Variants in OGFOD1 observed in about 807,000 individuals in gnomAD.
The protein encoded by OGFOD1 is prolyl 3-hydroxylase OGFOD1.
Under a neutral mutation model 67.7 loss-of-function variants are expected in OGFOD1, and 54 were observed. The observed-to-expected ratio is 0.80, with a 90% CI of 0.64 to 1.00. OGFOD1 has a LOEUF of 1.00. OGFOD1 is among the 50% of genes least tolerant of loss of function. OGFOD1 has a pLI of 0.00. For missense variants in OGFOD1, 606 were observed against 646.7 expected, an observed-to-expected ratio of 0.94 and a Z score of 0.68; for synonymous variants, 221 against 227.0, an observed-to-expected ratio of 0.97 and a Z score of 0.24.
At chr16:56,463,914 A>G (rs1962812060) in intron 4 of OGFOD1, among the ~76,000 whole-genome samples, 1 of 152,108 alleles carries the variant, frequency 6.6e-6, no homozygotes, top group Non-Finnish European at 1.5e-5. Flanking sequence ...GAATCAGGAA[A>G]TTTACGTTGA....
chr16:56,458,546 A>G lies in OGFOD1; in HGVS notation c.301-2A>G, dbSNP rs1430458735. 1 of 1,613,100 alleles carries G rather than the reference A, an allele frequency of 6.2e-7. No individual in the cohort carries two copies. The highest frequency in any genetic ancestry group is 1.1e-5 in the South Asian group (1 of 91,062). ...TTTTTTTTCTCTATTTTCATGATCA[A>G]GTCTGATGATTTGAAGAAGAGAAGA... On this transcript the variant is annotated splice_acceptor_variant, in intron 2 of 12. Coordinates refer to ENST00000566157, the MANE Select transcript of OGFOD1 (RefSeq NM_018233.4). LOFTEE classifies it high-confidence loss of function.
rs771283043 is a variant in OGFOD1, at chr16:56,451,764, A to G, written c.152A>G (p.His51Arg). The G allele has an allele frequency of 6.2e-7, 1 of 1,612,330 alleles. No individual in the cohort carries two copies. Among genetic ancestry groups the G allele is most frequent in the Non-Finnish European group, 8.5e-7 (1 of 1,179,840 alleles). The stretch of plus-strand genomic sequence containing the variant: ...TGGAGCCGCAGGACGCCGTTCAGTC[A>G]CGGTAACCGGGTGCTCTCAGGGAGG... ...EAWSRRTPFS[H>R]EVIVMDMDPF... The change falls in exon 1 of 13, where the codon CAC (histidine) becomes CGC (arginine). Residue 51 changes from histidine (H) to arginine (R), a missense_variant and splice_region_variant. Transcript: ENST00000566157.
Position 56,476,387 on chromosome 16 carries a change from A to T in OGFOD1, c.*182A>T, listed in dbSNP as rs14306. 11 of 427,496 alleles carry T rather than the reference A, an allele frequency of 2.6e-5. No homozygotes were observed. The highest frequency in any genetic ancestry group is 1.3e-4 in the Admixed American group (3 of 23,614). 26.5% of individuals were successfully genotyped at this position (427,496 alleles called of 1,614,324 possible). ...AACCGAGACCTTGAGCTTGCAGCTA[A>T]GTACTTATCTCTTGATTAAAAAAAA... On this transcript the variant is annotated 3_prime_UTR_variant, in exon 13 of 13. Coordinates refer to ENST00000566157, the MANE Select transcript of OGFOD1 (RefSeq NM_018233.4).
At chr16:56,457,374 C>T (rs535684289) in intron 2 of OGFOD1, among the ~76,000 whole-genome samples, 5 of 152,238 alleles carry the variant, frequency 3.3e-5, no homozygotes, top group African/African-American at 9.6e-5. Flanking sequence ...CAAGTGGTTG[C>T]GAGGAGCTGG....
At chr16:56,459,165 A>C (rs1217760707) in intron 3 of OGFOD1, among the ~76,000 whole-genome samples, 1 of 152,030 alleles carries the variant, frequency 6.6e-6, no homozygotes, top group South Asian at 2.1e-4. Context: ...ACATGGAGAA[A>C]CCCTGTCTCT....
chr16:56,473,392 G>T (rs1963294507), intron 10 of OGFOD1, among the ~76,000 whole-genome samples: 1 of 152,170 alleles, frequency 6.6e-6, no homozygotes, highest in Admixed American at 6.5e-5. Flanking sequence ...GTCCTGTGTT[G>T]AGCATTTAGA....
At position 56,467,940 on chromosome 16, in the gene OGFOD1, T is replaced by A; in HGVS notation, c.822T>A (p.Tyr274Ter). Reference protein sequence around the residue: ...EILYDWINPTYLDMDYQVQIQ... With the variant: ...EILYDWINPT ...TGTATGATTGGATCAACCCTACTTA[T>A]CTGGACATGGATTACCAAGTTCAAA... The change falls in exon 8 of 13, where the codon TAT becomes TAA. Residue 274 changes from tyrosine (Y) to a stop codon, truncating the protein, a stop_gained. Coordinates refer to ENST00000566157, the MANE Select transcript of OGFOD1 (RefSeq NM_018233.4). LOFTEE classifies it high-confidence loss of function. The A allele has an allele frequency of 6.2e-7, 1 of 1,607,210 alleles. No individual in the cohort carries two copies. The highest frequency in any genetic ancestry group is 8.5e-7 in the Non-Finnish European group (1 of 1,173,770).
intron 3 of OGFOD1, among the ~76,000 whole-genome samples, chr16:56,462,328 C>A (rs1271072288): frequency 6.6e-6 from 1 of 152,124 alleles, no homozygotes; most frequent in African/African-American, 2.4e-5. Context: ...TAGAGACTTA[C>A]ATTTATTTTT....
In OGFOD1 at chr16:56,478,191, C is replaced by G. The variant is rs1963559884; in HGVS notation, c.*1986C>G. On this transcript the variant is annotated 3_prime_UTR_variant, in exon 13 of 13. Transcript: ENST00000566157. ...TTTTTGCGTTTGAGATGGAGTCTCA[C>G]TCTGTGGCCCAGGCTGGAGTACAGT... 3 of 152,088 alleles carry G rather than the reference C, an allele frequency of 2.0e-5. No homozygotes were observed. The highest frequency in any genetic ancestry group is 4.1e-4 in the South Asian group (2 of 4,824). The allele number at this position is 152,088 out of a possible 1,614,324, so 9.4% of individuals were successfully genotyped here. A position where few individuals can be genotyped will look rare whatever the true frequency, so the allele number is the denominator to read the frequency against.
At position 56,476,217 on chromosome 16, in the gene OGFOD1, A is replaced by G; in HGVS notation, c.*12A>G. On this transcript the variant is annotated 3_prime_UTR_variant, in exon 13 of 13. Transcript: ENST00000566157. ...TCTATTATGAATGACAGCACTGGGC[A>G]AAGCTGAACAAAAATGTGACCCTTC... 6.2e-7 allele frequency: 1 copy of G among 1,602,416 alleles called. No individual in the cohort carries two copies. The highest frequency in any genetic ancestry group is 8.5e-7 in the Non-Finnish European group (1 of 1,177,256).
intron 4 of OGFOD1, among the ~76,000 whole-genome samples, chr16:56,465,295 C>T (rs1017534035): frequency 2.6e-5 from 4 of 152,064 alleles, no homozygotes; most frequent in Non-Finnish European, 4.4e-5. Flanking sequence ...CCACCGTGCC[C>T]GGCCTGTATT....
intron 12 of OGFOD1, 151 bp downstream of exon 12, chr16:56,475,716 G>A: frequency 1.4e-6 from 1 of 690,856 alleles, no homozygotes; most frequent in Non-Finnish European, 2.5e-6. Flanking sequence ...AAATACTCAG[G>A]ATGGAATAAA....
At chr16:56,458,824 T>A (rs1261815792) in intron 3 of OGFOD1, 1 of 501,366 alleles carries the variant, frequency 2.0e-6, no homozygotes, top group Admixed American at 3.5e-5. Flanking sequence ...AGTGATAAAA[T>A]GCTCAATCTT....
rs79476742 is a variant in OGFOD1, at chr16:56,452,700, T to C, written c.155-563T>C. Among the ~76,000 whole-genome samples the C allele has an allele frequency of 1.0e-3, 159 of 152,302 alleles. 1 individual carries two copies. Among genetic ancestry groups the C allele is most frequent in the African/African-American group, 3.6e-3 (149 of 41,580 alleles). ...AAAAGATTGAATGAGATCATGGGCC[T>C]GGCACCTGGTAGGTGGTGCTGATGA... On this transcript the variant is annotated intron_variant, in intron 1 of 12. Transcript: ENST00000566157.
chr16:56,475,691 C>T, intron 12 of OGFOD1, 126 bp downstream of exon 12: 5 of 758,542 alleles, frequency 6.6e-6, no homozygotes, highest in Non-Finnish European at 1.1e-5. Context: ...GGCAATGGTT[C>T]TAATTTCTAG....
chr16:56,473,898 C>T (rs1451102400), intron 10 of OGFOD1, among the ~76,000 whole-genome samples: 2 of 152,032 alleles, frequency 1.3e-5, no homozygotes, highest in Non-Finnish European at 2.9e-5. Context: ...CCTCTGCCTC[C>T]CAGGTTCAAG....
At chr16:56,471,348 C>T (rs543357354) in intron 10 of OGFOD1, among the ~76,000 whole-genome samples, 1 of 146,396 alleles carries the variant, frequency 6.8e-6, no homozygotes, top group African/African-American at 2.5e-5. Context: ...GGCAACAGAG[C>T]GAGACTACAT....
intron 8 of OGFOD1, among the ~76,000 whole-genome samples, chr16:56,468,895 A>G (rs970710455): frequency 2.0e-5 from 3 of 152,188 alleles, no homozygotes; most frequent in Non-Finnish European, 2.9e-5. Flanking sequence ...GGCCAATAAG[A>G]TAACTTTTGC....
At chr16:56,455,212 A>G (rs990002380) in intron 2 of OGFOD1, among the ~76,000 whole-genome samples, 2 of 152,060 alleles carry the variant, frequency 1.3e-5, no homozygotes, top group African/African-American at 2.4e-5. Context: ...CTAAAAATAC[A>G]AAAAATTAGC....
Sources: allele counts gnomAD v4.1 joint callset (sites outside exome capture counted in the v4.1 genomes callset), GRCh38; gene constraint gnomAD v4.1.1; transcripts MANE v1.5; gene names NCBI Gene and HGNC (gene_info 2026-07-23, HGNC 2026-07-21).